The following FAM227A variants were observed in gnomAD, a reference collection of about 807,000 sequenced individuals.
FAM227A encodes family with sequence similarity 227 member A.
In FAM227A, 80 loss-of-function variants were observed where a neutral mutation model predicts 74.7. That is an observed-to-expected ratio of 1.07 (90% CI 0.89 to 1.29). The LOEUF is 1.29. FAM227A is among the 50% of genes most tolerant of loss of function. The pLI is 0.00. For missense variants in FAM227A, 654 were observed against 683.4 expected (o/e 0.96, Z 0.48); for synonymous variants, 237 against 241.8 (o/e 0.98, Z 0.19).
Position 38,605,295 on chromosome 22 carries a change from T to C in FAM227A, c.1180A>G (p.Ile394Val), listed in dbSNP as rs560936960. ...LKKPTQEVKR[I>V]SEARECENMF... Reference sequence around the variant, plus strand: ...TTCTCACATTCTCTTGCTTCTGATATCCTCTTGACTTCTTGCGTAGGTTTC... The same window carrying C: ...TTCTCACATTCTCTTGCTTCTGATACCCTCTTGACTTCTTGCGTAGGTTTC... The change falls in exon 13 of 17, where the codon ATA becomes GTA. Residue 394 changes from isoleucine (I) to valine (V), a missense_variant. Transcript: ENST00000535113. 9.0e-6 allele frequency: 14 copies of C among 1,551,326 alleles called. No homozygotes were observed. Among genetic ancestry groups the C allele is most frequent in the African/African-American group, 6.8e-5 (5 of 73,148 alleles).
At chr22:38,625,387 C>CAAA (rs1037434338) in intron 9 of FAM227A, among the ~76,000 whole-genome samples, 1 of 75,312 alleles carries the variant, frequency 1.3e-5, no homozygotes, top group African/African-American at 4.9e-5. Context: ...AGATCCGTCT[C>CAAA]AAAAAAAAAA....
chr22:38,620,766 G>A (rs546166211), intron 10 of FAM227A, among the ~76,000 whole-genome samples: 3 of 151,456 alleles, frequency 2.0e-5, no homozygotes, highest in Admixed American at 6.6e-5. Flanking sequence ...CCGAGATTGC[G>A]TCACTGCACT....
intron 2 of FAM227A, among the ~76,000 whole-genome samples, chr22:38,646,687 C>T (rs961234282): frequency 2.0e-5 from 3 of 151,520 alleles, no homozygotes; most frequent in Admixed American, 1.3e-4. Flanking sequence ...GTCTCACTCG[C>T]CCGGCCACTC....
intron 1 of FAM227A, among the ~76,000 whole-genome samples, chr22:38,654,110 A>G (rs1449991388): frequency 3.3e-5 from 5 of 152,098 alleles, no homozygotes; most frequent in Non-Finnish European, 7.3e-5. Context: ...CCACTTTAGG[A>G]GGCCGAGGCA....
chr22:38,633,690 T>C (rs5757191), intron 6 of FAM227A, among the ~76,000 whole-genome samples: 53,313 of 151,726 alleles, frequency 0.35, 9,707 homozygotes, highest in East Asian at 0.47. Context: ...TACAGGTGTG[T>C]GTCACCACGC....
intron 13 of FAM227A, 47 bp downstream of exon 13, chr22:38,605,207 C>T (rs1351988231): frequency 9.3e-7 from 1 of 1,070,332 alleles, no homozygotes; most frequent in South Asian, 1.4e-5. Context: ...CACCTCTCAC[C>T]CCCTTTGGAA....
intron 3 of FAM227A, among the ~76,000 whole-genome samples, chr22:38,644,858 T>G (rs1355029995): frequency 1.4e-5 from 2 of 142,504 alleles, no homozygotes; most frequent in Non-Finnish European, 3.1e-5. Context: ...GAGACTGAGG[T>G]GGGTGGATCA....
chr22:38,640,831 C>A (rs1357677285), intron 3 of FAM227A, among the ~76,000 whole-genome samples: 3 of 152,116 alleles, frequency 2.0e-5, no homozygotes, highest in Non-Finnish European at 4.4e-5. Context: ...TCCAGGCCTC[C>A]CCCATCTTTC....
rs2092008055 is a variant in FAM227A, at chr22:38,636,450, C to A, written c.519+1G>T. The stretch of plus-strand genomic sequence containing the variant: ...CAGGGCAGGCACTGCTTTTTCCTCA[C>A]CTTGCCACTAAGGCAGTCTCTCTCA... On this transcript the variant is annotated splice_donor_variant, in intron 6 of 16. Transcript: ENST00000535113. LOFTEE classifies it high-confidence loss of function. The A allele has an allele frequency of 6.4e-7, 1 of 1,550,622 alleles. No individual in the cohort carries two copies. The highest frequency in any genetic ancestry group is 8.7e-7 in the Non-Finnish European group (1 of 1,146,622).
At chr22:38,612,607 T>G (rs1030713415) in intron 11 of FAM227A, among the ~76,000 whole-genome samples, 1 of 152,110 alleles carries the variant, frequency 6.6e-6, no homozygotes, top group Non-Finnish European at 1.5e-5. Flanking sequence ...GCAGCTGGGG[T>G]GCAGACATTT....
intron 6 of FAM227A, among the ~76,000 whole-genome samples, chr22:38,629,988 C>A (rs1431144767): frequency 6.9e-6 from 1 of 144,162 alleles, no homozygotes; most frequent in Non-Finnish European, 1.5e-5. Context: ...TCTTCTTTAA[C>A]CATCACTCAC....
Position 38,582,142 on chromosome 22 carries a change from C to T in FAM227A, c.*3983G>A, listed in dbSNP as rs2090715572. 6 of 589,168 alleles carry T rather than the reference C, an allele frequency of 1.0e-5. No individual in the cohort carries two copies. The highest frequency in any genetic ancestry group is 8.2e-5 in the South Asian group (4 of 48,618). 36.5% of individuals were successfully genotyped at this position (589,168 alleles called of 1,614,324 possible). ...GGTGTGTATACACCCATGAGCCATTCACCACAATCAAGATAGTAGACATAT... is the reference window on the plus strand; with the variant it reads ...GGTGTGTATACACCCATGAGCCATTTACCACAATCAAGATAGTAGACATAT... On this transcript the variant is annotated 3_prime_UTR_variant, in exon 17 of 17. Transcript: ENST00000535113.
At chr22:38,604,801 G>A (rs565182456) in intron 13 of FAM227A, among the ~76,000 whole-genome samples, 1 of 152,098 alleles carries the variant, frequency 6.6e-6, no homozygotes, top group South Asian at 2.1e-4. Context: ...TTATAGGCAC[G>A]CCACCGTGCC....
chr22:38,636,678 A>G, intron 5 of FAM227A, 81 bp from the exon 6 acceptor site: 1 of 1,278,666 alleles, frequency 7.8e-7, no homozygotes, highest in Non-Finnish European at 1.1e-6. Flanking sequence ...CCTCTTTATT[A>G]TGAAGACAAT....
chr22:38,636,773 T>A (rs1204187968), intron 5 of FAM227A, among the ~76,000 whole-genome samples, 176 bp from the exon 6 acceptor site: 4 of 144,610 alleles, frequency 2.8e-5, no homozygotes, highest in African/African-American at 1.1e-4. Flanking sequence ...ATTATTTCTT[T>A]TTTTTTTTTT....
chr22:38,651,525 C>G (rs887850886), intron 1 of FAM227A, among the ~76,000 whole-genome samples: 19 of 152,022 alleles, frequency 1.2e-4, no homozygotes, highest in Non-Finnish European at 2.8e-4. Context: ...CCACAACTGC[C>G]TAATTTTTGT....
rs2092301488 is a variant in FAM227A, at chr22:38,650,027, A to G, written c.142T>C (p.Ser48Pro). 1 of 1,552,136 alleles carries G rather than the reference A, an allele frequency of 6.4e-7. No individual in the cohort carries two copies. Among genetic ancestry groups the G allele is most frequent in the Non-Finnish European group, 8.7e-7 (1 of 1,147,092 alleles). The change falls in exon 2 of 17, where the codon TCA (serine) becomes CCA (proline). Residue 48 changes from serine (S) to proline (P), a missense_variant and splice_region_variant. Physicochemically the swap from Ser to Pro is moderately conservative, Grantham distance 74 (BLOSUM62 -1). Coordinates refer to ENST00000535113, the MANE Select transcript of FAM227A (RefSeq NM_001013647.2). ...GTAGGTGACATCACCAGAAGGATAC[A>G]GGGTGGATTGTTCTCTAACTCCTTC... Reference protein sequence around the residue: ...VRKELENNPPSCLIGSMHQVN... With the variant: ...VRKELENNPPPCLIGSMHQVN...
intron 16 of FAM227A, among the ~76,000 whole-genome samples, chr22:38,586,628 C>T (rs1022448049): frequency 4.6e-5 from 7 of 152,164 alleles, no homozygotes; most frequent in African/African-American, 1.7e-4. Flanking sequence ...TCTCACAAGC[C>T]TAAAGGACTT....
intron 12 of FAM227A, among the ~76,000 whole-genome samples, chr22:38,606,901 G>C (rs2091295214): frequency 6.6e-6 from 1 of 152,312 alleles, no homozygotes; most frequent in East Asian, 1.9e-4. Context: ...TGCTTAGGCT[G>C]GGCGAGGTGG....
Sources: gnomAD v4.1 joint callset for allele counts (sites outside exome capture counted in the v4.1 genomes callset) on GRCh38, gnomAD v4.1.1 for gene constraint, MANE v1.5 for transcripts, NCBI Gene and HGNC (gene_info 2026-07-23, HGNC 2026-07-21) for gene names.